Variants in ATP2C2 observed in about 807,000 individuals in gnomAD.
ATP2C2 encodes the protein calcium-transporting ATPase type 2C member 2.
In ATP2C2, 171 loss-of-function variants were observed where a neutral mutation model predicts 110.8. The ratio of observed to expected loss-of-function variants is 1.54; its 90% CI spans 1.36 to 1.75. The LOEUF is 1.75. Ranked by LOEUF, ATP2C2 falls within the 40% of genes most tolerant of loss-of-function variation. ATP2C2 has a pLI of 0.00. For synonymous variants in ATP2C2, 804 were observed against 508.4 expected (o/e 1.58, Z -7.82); for missense variants, 1,963 against 1,235.0 (o/e 1.59, Z -8.84).
chr16:84,463,433 C>T (rs958036503), intron 26 of ATP2C2, among the ~76,000 whole-genome samples, 181 bp from the exon 27 acceptor site: 1 of 152,130 alleles, frequency 6.6e-6, no homozygotes, highest in African/African-American at 2.4e-5. Context: ...CAGGCAGGCC[C>T]TTCTGGAACT....
At chr16:84,439,790 T>C (rs1275845986) in intron 13 of ATP2C2, among the ~76,000 whole-genome samples, 1 of 152,214 alleles carries the variant, frequency 6.6e-6, no homozygotes, top group East Asian at 1.9e-4. Flanking sequence ...GAAAAAATCT[T>C]CCATACCTTC....
intron 1 of ATP2C2, among the ~76,000 whole-genome samples, chr16:84,378,850 G>A (rs572053781): frequency 6.6e-6 from 1 of 152,340 alleles, no homozygotes; most frequent in Admixed American, 6.5e-5. Flanking sequence ...GCCGGGCCTG[G>A]TGGGCTCACC....
chr16:84,425,673 C>A (rs560446218), intron 10 of ATP2C2, 62 bp from the exon 11 acceptor site: 3 of 1,554,680 alleles, frequency 1.9e-6, no homozygotes, highest in African/African-American at 1.4e-5. Context: ...GAGTTTGAAT[C>A]CCTCCAGGCA....
At chr16:84,445,711 C>T (rs970477821) in intron 15 of ATP2C2, among the ~76,000 whole-genome samples, 4 of 152,216 alleles carry the variant, frequency 2.6e-5, no homozygotes, top group Non-Finnish European at 5.9e-5. Context: ...CACTCCCTCC[C>T]CATGAAATTT....
chr16:84,461,616 C>G, intron 24 of ATP2C2, 98 bp from the exon 25 acceptor site: 1 of 1,089,556 alleles, frequency 9.2e-7, no homozygotes, highest in Non-Finnish European at 1.4e-6. Flanking sequence ...TGGCTCCCAG[C>G]CATGCCCCAG....
At chr16:84,404,841 A>G (rs759557012) in intron 2 of ATP2C2, 4 of 351,694 alleles carry the variant, frequency 1.1e-5, no homozygotes, top group South Asian at 2.4e-5. Context: ...AGAAGAAAAG[A>G]TGTGTTTCTG....
In ATP2C2 at chr16:84,407,877, A is replaced by G. The variant is rs376764066; in HGVS notation, c.328-528A>G. ...TCAATCCTCTGTAACATGAGCTACC[A>G]TGAGATGTCTCTGAAATGAAAGGGC... is the stretch of plus-strand genomic sequence containing the variant. On this transcript the variant is annotated intron_variant, in intron 3 of 26. Coordinates refer to ENST00000262429, the MANE Select transcript of ATP2C2 (RefSeq NM_014861.4). Among the ~76,000 whole-genome samples the G allele has an allele frequency of 1.2e-4, 19 of 152,348 alleles. No homozygotes were observed. The East Asian group carries it at 3.7e-3, about 29-fold the overall frequency.
intron 2 of ATP2C2, chr16:84,404,834 A>C (rs1905606998): frequency 3.0e-6 from 1 of 337,712 alleles, no homozygotes; most frequent in South Asian, 2.8e-5. Context: ...TTTTTTAAGA[A>C]GAAAAGATGT....
In ATP2C2 at chr16:84,464,017, G is replaced by C. The variant is rs1045351675; in HGVS notation, c.*285G>C. On this transcript the variant is annotated 3_prime_UTR_variant, in exon 27 of 27. Transcript: ENST00000262429. ...ATTTTTATTAACCATGTCTAACTACGTATCTGTGCCACAGCTTGCAGTGAG... is the reference window on the plus strand; with the variant it reads ...ATTTTTATTAACCATGTCTAACTACCTATCTGTGCCACAGCTTGCAGTGAG... 3.4e-6 allele frequency: 1 copy of C among 296,008 alleles called. No homozygotes were observed. Among genetic ancestry groups the C allele is most frequent in the South Asian group, 5.9e-5 (1 of 16,856 alleles). The allele number at this position is 296,008 out of a possible 1,614,324, so 18.3% of individuals were successfully genotyped here. A position where few individuals can be genotyped will look rare whatever the true frequency, so the allele number is the denominator to read the frequency against.
At position 84,408,510 on chromosome 16, in the gene ATP2C2, G is replaced by A. The variant is rs1321347649; in HGVS notation, c.417+16G>A. 6.2e-7 allele frequency: 1 copy of A among 1,608,040 alleles called. No individual in the cohort carries two copies. Among genetic ancestry groups the A allele is most frequent in the Non-Finnish European group, 8.5e-7 (1 of 1,177,146 alleles). The stretch of plus-strand genomic sequence containing the variant: ...CATCGCCACGGTGAGTTCCCTGACA[G>A]CGCTCGGCTCCCGGGCGGGCAGCCA... On this transcript the variant is annotated intron_variant, in intron 4 of 26. Coordinates refer to ENST00000262429, the MANE Select transcript of ATP2C2 (RefSeq NM_014861.4).
chr16:84,421,162 C>T (rs1350514765), intron 7 of ATP2C2, among the ~76,000 whole-genome samples: 1 of 152,188 alleles, frequency 6.6e-6, no homozygotes, highest in Non-Finnish European at 1.5e-5. Flanking sequence ...TTCTTTGAGC[C>T]TCCTTCAAAG....
chr16:84,401,633 T>G (rs779844709), intron 2 of ATP2C2, among the ~76,000 whole-genome samples: 1 of 152,200 alleles, frequency 6.6e-6, no homozygotes, highest in Non-Finnish European at 1.5e-5. Context: ...GAAAACGAGT[T>G]CACTGTAGAT....
chr16:84,406,624 GT>G (rs1185785530), intron 3 of ATP2C2: 10 of 985,432 alleles, frequency 1.0e-5, no homozygotes, highest in Non-Finnish European at 1.1e-5. Context: ...TCATCGATGC[GT>G]TTTGGCAGCA....
At chr16:84,462,305 G>C (rs1448194957) in intron 26 of ATP2C2, 176 bp downstream of exon 26, 4 of 775,404 alleles carry the variant, frequency 5.2e-6, no homozygotes, top group Non-Finnish European at 8.0e-6. Context: ...TAACGTGGGT[G>C]ATGTGACGGA....
At chr16:84,391,105 C>G (rs1480532895) in intron 1 of ATP2C2, among the ~76,000 whole-genome samples, 1 of 100,486 alleles carries the variant, frequency 1.0e-5, no homozygotes, top group Admixed American at 1.4e-4. Flanking sequence ...CAGAGTGAGA[C>G]TCAGACTCAA....
intron 9 of ATP2C2, 48 bp downstream of exon 9, chr16:84,422,745 GATT>G (rs1907465360): frequency 1.3e-6 from 2 of 1,551,852 alleles, no homozygotes; most frequent in African/African-American, 2.8e-5. Context: ...TGGAGTTTGA[GATT>G]ATTATAGGCA....
chr16:84,454,943 C>T lies in ATP2C2; in HGVS notation c.2106C>T (p.Ala702=), dbSNP rs371145760. The change falls in exon 21 of 27, where the codon GCC becomes GCT. Residue 702 remains alanine, a synonymous_variant. Transcript: ENST00000262429. ...GQTGTDVSKE[A]ANMILVDDDF... ...CAGGGACGGACGTCAGCAAAGAGGC[C>T]GCCAACATGATCCTGGTGGATGATG... The T allele has an allele frequency of 1.7e-5, 28 of 1,613,598 alleles. No individual in the cohort carries two copies. Among genetic ancestry groups the T allele is most frequent in the Admixed American group, 1.2e-4 (7 of 59,896 alleles).
chr16:84,404,074 A>G (rs944743573), intron 2 of ATP2C2, among the ~76,000 whole-genome samples: 3 of 152,216 alleles, frequency 2.0e-5, no homozygotes, highest in African/African-American at 7.2e-5. Flanking sequence ...TCCATGCCCA[A>G]TGCTGCTATG....
At chr16:84,412,175 C>A (rs1287806743) in intron 6 of ATP2C2, among the ~76,000 whole-genome samples, 2 of 152,106 alleles carry the variant, frequency 1.3e-5, no homozygotes, top group Admixed American at 1.3e-4. Flanking sequence ...CATGCCACCA[C>A]ACCTGACTAC....
Sources: gnomAD v4.1 joint callset for allele counts (sites outside exome capture counted in the v4.1 genomes callset) on GRCh38, gnomAD v4.1.1 for gene constraint, MANE v1.5 for transcripts, NCBI Gene and HGNC (gene_info 2026-07-23, HGNC 2026-07-21) for gene names.